Variants in CELF2 observed in about 807,000 individuals in gnomAD.
CELF2 encodes the protein CUG triplet repeat RNA-binding protein 2.
A neutral mutation model predicts 62.6 loss-of-function variants in CELF2; 8 were observed. That is an observed-to-expected ratio of 0.13 (90% confidence interval 0.07 to 0.23). The LOEUF (loss-of-function observed/expected upper bound fraction) is 0.23, where lower values mean the gene tolerates loss of function less well. CELF2 is among the 10% of genes least tolerant of loss of function. The probability of loss-of-function intolerance (pLI) is 1.00; values close to 1 mark genes in which losing one functional copy is unlikely to be tolerated. For missense variants in CELF2, 333 were observed against 671.0 expected (o/e 0.50, Z 5.56); for synonymous variants, 258 against 250.0 (o/e 1.03, Z -0.30).
intron 1 of CELF2, among the ~76,000 whole-genome samples, chr10:11,079,751 C>G (rs1032058616): frequency 1.0e-3 from 79 of 77,750 alleles, no homozygotes; most frequent in Admixed American, 2.2e-3. Flanking sequence ...GCCCCCCCCC[C>G]CTTTTTAGGC....
intron 2 of CELF2, among the ~76,000 whole-genome samples, chr10:10,982,763 T>C (rs181290204): frequency 6.6e-6 from 1 of 152,344 alleles, no homozygotes; most frequent in East Asian, 1.9e-4. Flanking sequence ...CTCCCAACCA[T>C]GTTAAGTCTA....
chr10:10,512,620 G>A, the CELF2 span, among the ~76,000 whole-genome samples: 2 of 151,930 alleles, frequency 1.3e-5, no homozygotes, highest in African/African-American at 4.8e-5. Flanking sequence ...TCACCGTGTT[G>A]GCCAGGCTGG....
the CELF2 span, among the ~76,000 whole-genome samples, chr10:10,669,751 C>T: frequency 1.3e-5 from 2 of 152,218 alleles, no homozygotes; most frequent in South Asian, 2.1e-4. Context: ...ATGATATCTT[C>T]GTTTATATTC....
chr10:10,522,805 A>T, the CELF2 span, among the ~76,000 whole-genome samples: 3 of 152,142 alleles, frequency 2.0e-5, no homozygotes, highest in African/African-American at 7.2e-5. Context: ...CCTGACTTTA[A>T]GTGATCCACC....
chr10:11,177,589 A>G lies in CELF2; in HGVS notation c.271+11907A>G, dbSNP rs189435213. ...TTTCCATGAGTCAGGGAGAAAACAGACCAGCCTGGTTTCACGTTCCAGACA... is the reference window on the plus strand; with the variant it reads ...TTTCCATGAGTCAGGGAGAAAACAGGCCAGCCTGGTTTCACGTTCCAGACA... On this transcript the variant is annotated intron_variant, in intron 2 of 12. Coordinates refer to ENST00000633077, the MANE Select transcript of CELF2 (RefSeq NM_001326342.2). This position sits in a 1 kb window ranked among gnomAD's most constrained non-coding sequence, Gnocchi z 4.8. Among the ~76,000 whole-genome samples, 3 of 152,346 alleles carry G rather than the reference A, an allele frequency of 2.0e-5. No individual in the cohort carries two copies. Among genetic ancestry groups the G allele is most frequent in the Admixed American group, 2.0e-4 (3 of 15,304 alleles).
the CELF2 span, among the ~76,000 whole-genome samples, chr10:10,779,223 GAAT>G: frequency 2.6e-5 from 4 of 152,168 alleles, no homozygotes; most frequent in African/African-American, 9.7e-5. Flanking sequence ...AAGGTTTAAA[GAAT>G]AGTTTCAAAA....
chr10:11,086,076 A>T (rs934642059), intron 1 of CELF2, among the ~76,000 whole-genome samples: 1 of 152,186 alleles, frequency 6.6e-6, no homozygotes, highest in African/African-American at 2.4e-5. Flanking sequence ...TGCAATCAAA[A>T]TATATTTGAC....
At chr10:10,513,846 T>C in the CELF2 span, among the ~76,000 whole-genome samples, 4 of 152,252 alleles carry the variant, frequency 2.6e-5, no homozygotes, top group African/African-American at 9.6e-5. Flanking sequence ...CTATGCAAAG[T>C]ATAGATCCCT....
At chr10:10,953,528 T>G (rs1014878333) in intron 2 of CELF2, among the ~76,000 whole-genome samples, 7 of 152,224 alleles carry the variant, frequency 4.6e-5, no homozygotes, top group African/African-American at 2.4e-5. Flanking sequence ...TATATTGTTC[T>G]TCTCTAAGTG....
At chr10:10,675,513 T>C in the CELF2 span, among the ~76,000 whole-genome samples, 2 of 152,138 alleles carry the variant, frequency 1.3e-5, no homozygotes, top group Non-Finnish European at 2.9e-5. Context: ...TGTGGTTTGG[T>C]GTCTGACATA....
the CELF2 span, among the ~76,000 whole-genome samples, chr10:10,648,276 C>T: frequency 2.0e-5 from 3 of 152,150 alleles, no homozygotes; most frequent in African/African-American, 2.4e-5. Context: ...CCAGGGAACC[C>T]GTACCAGTAT....
the CELF2 span, among the ~76,000 whole-genome samples, chr10:10,534,226 AAAAG>A: frequency 3.6e-4 from 54 of 149,418 alleles, no homozygotes; most frequent in African/African-American, 1.2e-3. Flanking sequence ...AAAAAAAAAA[AAAAG>A]AAAAAGAAAA....
At chr10:11,148,193 GC>G (rs2062631576) in intron 1 of CELF2, among the ~76,000 whole-genome samples, 2 of 152,182 alleles carry the variant, frequency 1.3e-5, no homozygotes, top group Non-Finnish European at 2.9e-5. Flanking sequence ...AGGTATTTCA[GC>G]CGTACTAATA....
intron 1 of CELF2, among the ~76,000 whole-genome samples, chr10:11,150,577 G>T (rs561619409): frequency 6.6e-6 from 1 of 152,210 alleles, no homozygotes; most frequent in Non-Finnish European, 1.5e-5. Flanking sequence ...AACAGTGGCT[G>T]CACTGAGCTC....
intron 1 of CELF2, among the ~76,000 whole-genome samples, chr10:11,144,462 G>A (rs537336295): frequency 2.2e-4 from 33 of 152,150 alleles, no homozygotes; most frequent in African/African-American, 8.0e-4. Context: ...CAGAATTATC[G>A]TGCTTATTTA....
rs11257040 is a variant in CELF2 at position 11,270,400 on chromosome 10, G to A, written c.619-266G>A. 0.45 allele frequency among the ~76,000 whole-genome samples: 68,453 copies of A among 152,048 alleles called. 16,620 individuals are homozygous for A. The highest frequency in any genetic ancestry group is 0.56 in the Non-Finnish European group (38,018 of 67,944). On this transcript the variant is annotated intron_variant, in intron 6 of 12. Coordinates refer to ENST00000633077, the MANE Select transcript of CELF2 (RefSeq NM_001326342.2). This position sits in a 1 kb window ranked among gnomAD's most constrained non-coding sequence, Gnocchi z 5.8. Reference sequence around the variant, plus strand: ...GCAAGGTTGAAGGAAGACACAGGAAGAGAAGGAGAGGCAGTTACTAATCAG... The same window carrying A: ...GCAAGGTTGAAGGAAGACACAGGAAAAGAAGGAGAGGCAGTTACTAATCAG...
At chr10:11,209,855 A>C (rs1490461660) in intron 2 of CELF2, among the ~76,000 whole-genome samples, 1 of 152,096 alleles carries the variant, frequency 6.6e-6, no homozygotes, top group Non-Finnish European at 1.5e-5. Flanking sequence ...TGGCAAGGGG[A>C]ATCAAGTAAG....
In CELF2 at chr10:11,244,838, G is replaced by A. The variant is rs1473908398; in HGVS notation, c.355-4315G>A. ...ACATCTTCCGGTTAACATGAGGATTGCTTTGAGAATGAATGCAGACATAGC... is the reference window on the plus strand; with the variant it reads ...ACATCTTCCGGTTAACATGAGGATTACTTTGAGAATGAATGCAGACATAGC... On this transcript the variant is annotated intron_variant, in intron 3 of 12. Transcript: ENST00000633077. This position sits in a 1 kb window ranked among gnomAD's most constrained non-coding sequence, Gnocchi z 4.2. 6.6e-6 allele frequency among the ~76,000 whole-genome samples: 1 copy of A among 152,140 alleles called. No homozygotes were observed. Among genetic ancestry groups the A allele is most frequent in the Non-Finnish European group, 1.5e-5 (1 of 68,018 alleles).
rs373079654 is a variant in CELF2, at chr10:10,964,507, C to T, written c.89+44508C>T. On this transcript the variant is annotated intron_variant, in intron 2 of 13. Transcript: ENST00000636488. ...AGTGAGCAAATTATTTTCTTTTTCA[C>T]TTTAAGGTCAGGCCTATGGAATTGT... 1.5e-3 allele frequency among the ~76,000 whole-genome samples: 229 copies of T among 152,276 alleles called. 2 individuals are homozygous for T. Among genetic ancestry groups the T allele is most frequent in the African/African-American group, 5.0e-3 (207 of 41,570 alleles).
Sources: gnomAD v4.1 joint callset for allele counts (sites outside exome capture counted in the v4.1 genomes callset) on GRCh38, gnomAD v4.1.1 for gene constraint, Gnocchi (gnomAD v3.1) non-coding constraint, MANE v1.5 for transcripts, NCBI Gene and HGNC (gene_info 2026-07-23, HGNC 2026-07-21) for gene names.